ASB3: variants seen among roughly 807,000 people sequenced by gnomAD.
The protein encoded by ASB3 is ankyrin repeat and SOCS box protein 3.
In ASB3, 41 loss-of-function variants were observed where a neutral mutation model predicts 54.5. The ratio of observed to expected loss-of-function variants is 0.75; its 90% CI spans 0.59 to 0.98. The LOEUF (loss-of-function observed/expected upper bound fraction) is 0.98. Among genes scored for constraint, ASB3 ranks in the 50% least tolerant of loss-of-function variants. The pLI, the probability that ASB3 is intolerant of heterozygous loss-of-function variation, is 0.00. For synonymous variants in ASB3, 266 were observed against 221.2 expected, an observed-to-expected ratio of 1.20 and a Z score of -1.80; for missense variants, 733 against 620.0, an observed-to-expected ratio of 1.18 and a Z score of -1.94.
intron 7 of ASB3, among the ~76,000 whole-genome samples, chr2:53,712,082 C>T (rs1327910664): frequency 6.6e-6 from 1 of 151,712 alleles, no homozygotes; most frequent in African/African-American, 2.4e-5. Flanking sequence ...CTTTGGAGTA[C>T]TTGTGAAAGG....
chr2:53,755,556 T>C (rs1234339160), intron 2 of ASB3, among the ~76,000 whole-genome samples: 1 of 152,234 alleles, frequency 6.6e-6, no homozygotes, highest in African/African-American at 2.4e-5. Flanking sequence ...GTCAAGATTA[T>C]ATCGCCACAC....
intron 5 of ASB3, among the ~76,000 whole-genome samples, chr2:53,726,356 GT>G (rs1445096948): frequency 6.6e-6 from 1 of 151,304 alleles, no homozygotes; most frequent in East Asian, 1.9e-4. Context: ...TACCTCCTGG[GT>G]TTAAGCAATT....
At chr2:53,761,545 G>A (rs1673148150) in intron 2 of ASB3, among the ~76,000 whole-genome samples, 1 of 152,106 alleles carries the variant, frequency 6.6e-6, no homozygotes, top group African/African-American at 2.4e-5. Context: ...TCATACCAGT[G>A]GCCTCCCACA....
At chr2:53,695,142 A>G (rs945570163) in intron 8 of ASB3, among the ~76,000 whole-genome samples, 1 of 152,160 alleles carries the variant, frequency 6.6e-6, no homozygotes, top group Non-Finnish European at 1.5e-5. Flanking sequence ...CTGAAGAAGG[A>G]AAGGAAATAC....
At chr2:53,718,584 G>T (rs1187610227) in intron 5 of ASB3, among the ~76,000 whole-genome samples, 1 of 152,002 alleles carries the variant, frequency 6.6e-6, no homozygotes, top group African/African-American at 2.4e-5. Flanking sequence ...ATAGCCCAAA[G>T]ACCCCATAAT....
Position 53,728,745 on chromosome 2 carries a change from T to C in ASB3, c.571A>G (p.Lys191Glu), listed in dbSNP as rs766660769. The C allele has an allele frequency of 4.3e-6, 7 of 1,610,608 alleles. No homozygotes were observed. The highest frequency in any genetic ancestry group is 5.9e-6 in the Non-Finnish European group (7 of 1,178,222). Residue 191 changes from lysine (K) to glutamate (E), a missense_variant, in exon 5 of 10, where the codon AAG becomes GAG. Lys to Glu is a moderately conservative substitution (Grantham distance 56). Coordinates refer to ENST00000263634, the MANE Select transcript of ASB3 (RefSeq NM_016115.5). ...ATAAGTATGCTCAAGCTTTCTAGCTTGCCATACTGAGCAGCCACAAATAAA... is the reference window on the plus strand; with the variant it reads ...ATAAGTATGCTCAAGCTTTCTAGCTCGCCATACTGAGCAGCCACAAATAAA... ...TPLFVAAQYG[K>E]LESLSILISS...
At chr2:53,744,520 G>T (rs1672123890) in intron 3 of ASB3, among the ~76,000 whole-genome samples, 1 of 151,930 alleles carries the variant, frequency 6.6e-6, no homozygotes, top group South Asian at 2.1e-4. Context: ...GTAACTTTTA[G>T]TAAACTCCAT....
At position 53,670,374 on chromosome 2, in the gene ASB3, A is replaced by C; in HGVS notation, c.*129T>G. The stretch of plus-strand genomic sequence containing the variant: ...TCTCACTGAACTACTGGCCCCCCAA[A>C]ACCTAACCTATCTCACAATCAATAA... On this transcript the variant is annotated 3_prime_UTR_variant, in exon 10 of 10. Transcript: ENST00000263634. 1 of 1,040,194 alleles carries C rather than the reference A, an allele frequency of 9.6e-7. No individual in the cohort carries two copies. The highest frequency in any genetic ancestry group is 1.3e-6 in the Non-Finnish European group (1 of 759,850). 64.4% of individuals were successfully genotyped at this position (1,040,194 alleles called of 1,614,324 possible). A position where few individuals can be genotyped will look rare whatever the true frequency, so the allele number is the denominator to read the frequency against.
intron 3 of ASB3, among the ~76,000 whole-genome samples, chr2:53,736,305 C>T (rs931732170): frequency 6.6e-6 from 1 of 152,118 alleles, no homozygotes; most frequent in African/African-American, 2.4e-5. Flanking sequence ...ACAACACCAC[C>T]CACCAGAATA....
intron 5 of ASB3, among the ~76,000 whole-genome samples, chr2:53,725,212 C>T (rs558124913): frequency 1.3e-5 from 2 of 152,170 alleles, no homozygotes; most frequent in African/African-American, 4.8e-5. Context: ...CATGTTCTTA[C>T]TTATAAGTGG....
At chr2:53,767,865 G>C in intron 1 of ASB3, 2 of 1,594,442 alleles carry the variant, frequency 1.3e-6, no homozygotes, top group South Asian at 2.3e-5. Flanking sequence ...CACGGCCACT[G>C]GGGCAGAGGA....
At chr2:53,687,953 G>C (rs1215671594) in intron 9 of ASB3, among the ~76,000 whole-genome samples, 1 of 152,084 alleles carries the variant, frequency 6.6e-6, no homozygotes, top group South Asian at 2.1e-4. Flanking sequence ...AAGCAGCTGG[G>C]ACTACAGTCA....
At chr2:53,759,010 G>A (rs898840095) in intron 2 of ASB3, among the ~76,000 whole-genome samples, 7 of 152,116 alleles carry the variant, frequency 4.6e-5, no homozygotes, top group African/African-American at 9.7e-5. Context: ...TGCTTTTATC[G>A]GACATAGACA....
At chr2:53,758,729 G>A (rs74223536) in intron 2 of ASB3, among the ~76,000 whole-genome samples, 7,372 of 152,244 alleles carry the variant, frequency 0.048, 382 homozygotes, top group East Asian at 0.28. Context: ...ACCCTGGAAA[G>A]GAATAAGCAC....
At chr2:53,726,100 C>A (rs1330264870) in intron 5 of ASB3, among the ~76,000 whole-genome samples, 1 of 151,900 alleles carries the variant, frequency 6.6e-6, no homozygotes, top group East Asian at 1.9e-4. Flanking sequence ...GATAAACATA[C>A]CTACATACCT....
intron 3 of ASB3, among the ~76,000 whole-genome samples, chr2:53,746,891 T>G (rs955955713): frequency 6.6e-6 from 1 of 152,028 alleles, no homozygotes; most frequent in African/African-American, 2.4e-5. Context: ...TATTTCTTAG[T>G]CAATACAAAT....
chr2:53,691,179 T>C (rs1194709297), intron 9 of ASB3, among the ~76,000 whole-genome samples: 1 of 152,226 alleles, frequency 6.6e-6, no homozygotes, highest in African/African-American at 2.4e-5. Context: ...ACTCAATGAT[T>C]AAAAGATGAG....
intron 3 of ASB3, among the ~76,000 whole-genome samples, chr2:53,737,499 T>C (rs1464366617): frequency 6.6e-6 from 1 of 152,042 alleles, no homozygotes; most frequent in Non-Finnish European, 1.5e-5. Flanking sequence ...ATGTACAAGG[T>C]AAGGCAAATA....
intron 1 of ASB3, chr2:53,767,874 G>A (rs768314164): frequency 7.5e-6 from 12 of 1,600,642 alleles, no homozygotes; most frequent in Middle Eastern, 1.7e-4. Context: ...TGGGGCAGAG[G>A]AGCCGCGAGA....
Sources: gnomAD v4.1 joint callset for allele counts (sites outside exome capture counted in the v4.1 genomes callset) on GRCh38, gnomAD v4.1.1 for gene constraint, MANE v1.5 for transcripts, NCBI Gene and HGNC (gene_info 2026-07-23, HGNC 2026-07-21) for gene names.